The following SCAI variants were observed in gnomAD, a reference collection of about 807,000 sequenced individuals.
SCAI encodes suppressor of cancer cell invasion, also known as protein SCAI.
SCAI carries 24 observed loss-of-function variants against 92.2 expected under a neutral mutation model. The ratio of observed to expected loss-of-function variants is 0.26; its 90% CI spans 0.19 to 0.37. SCAI has a LOEUF of 0.37. Among genes scored for constraint, SCAI ranks in the 10% least tolerant of loss-of-function variants. The pLI, the probability that SCAI is intolerant of heterozygous loss-of-function variation, is 1.00. For synonymous variants in SCAI, 261 were observed against 258.6 expected (o/e 1.01, Z -0.09); for missense variants, 450 against 736.2 (o/e 0.61, Z 4.50).
chr9:124,977,806 G>A (rs1831792125), intron 14 of SCAI, among the ~76,000 whole-genome samples: 3 of 152,136 alleles, frequency 2.0e-5, no homozygotes, highest in Non-Finnish European at 2.9e-5. Flanking sequence ...AAAACATTTA[G>A]GACTTATGTA....
chr9:125,121,786 G>A (rs1835160693), intron 2 of SCAI, among the ~76,000 whole-genome samples: 2 of 152,116 alleles, frequency 1.3e-5, no homozygotes, highest in South Asian at 2.1e-4. Context: ...CTGGGAGGTA[G>A]AGGTTGCAAT....
chr9:124,955,720 A>G (rs1322400138), intron 17 of SCAI, among the ~76,000 whole-genome samples: 1 of 152,132 alleles, frequency 6.6e-6, no homozygotes, highest in South Asian at 2.1e-4. Context: ...TTACCAAGAC[A>G]GAAAAAGAAA....
At chr9:125,060,262 G>GGA (rs1833746536) in intron 2 of SCAI, among the ~76,000 whole-genome samples, 1 of 89,544 alleles carries the variant, frequency 1.1e-5, no homozygotes, top group Admixed American at 1.3e-4. Flanking sequence ...GGCTTAGTAT[G>GGA]AAAAAAAAAA....
chr9:124,990,551 A>G lies in SCAI; in HGVS notation c.1326+4383T>C, dbSNP rs1303719527. ...ATCTATGGTGTGGATAAAATGATGG[A>G]AAGGGTAGAAATGTGAGTTGGGGAC... is the stretch of plus-strand genomic sequence containing the variant. On this transcript the variant is annotated intron_variant, in intron 14 of 17. Transcript: ENST00000336505. 1.2e-4 allele frequency among the ~76,000 whole-genome samples: 18 copies of G among 152,314 alleles called. No homozygotes were observed. In the East Asian group the frequency reaches 3.5e-3, roughly 29 times the overall value.
chr9:124,952,796 G>A lies in SCAI; in HGVS notation c.*11C>T, dbSNP rs780373523. ...AAAATGAAAACTTGTTTCGACAACA[G>A]GGTTTTTGTTTTAATAGTCATCAAT... On this transcript the variant is annotated 3_prime_UTR_variant, in exon 18 of 18. Transcript: ENST00000336505. 3.8e-6 allele frequency: 6 copies of A among 1,599,582 alleles called. No individual in the cohort carries two copies. The Admixed American group carries it at 1.1e-4, about 28-fold the overall frequency.
chr9:125,048,142 C>T (rs551856391), intron 3 of SCAI, among the ~76,000 whole-genome samples: 41 of 152,052 alleles, frequency 2.7e-4, no homozygotes, highest in Non-Finnish European at 4.9e-4. Flanking sequence ...CCATGCCCAG[C>T]TAATTTTGTA....
chr9:124,976,320 C>T, intron 14 of SCAI, 134 bp from the exon 15 acceptor site: 2 of 640,892 alleles, frequency 3.1e-6, no homozygotes, highest in Middle Eastern at 4.2e-4. Flanking sequence ...ACATCAGCAA[C>T]AGCTAAGGAG....
chr9:125,134,010 G>A (rs1018591389), intron 2 of SCAI, among the ~76,000 whole-genome samples: 1 of 152,076 alleles, frequency 6.6e-6, no homozygotes, highest in African/African-American at 2.4e-5. Flanking sequence ...CCTTAGTTGA[G>A]AACCACCCCT....
At chr9:124,956,788 A>G (rs1432312735) in intron 17 of SCAI, among the ~76,000 whole-genome samples, 1 of 152,208 alleles carries the variant, frequency 6.6e-6, no homozygotes, top group African/African-American at 2.4e-5. Flanking sequence ...ACTTTTATTC[A>G]ACATTTTACT....
chr9:124,953,524 G>A (rs1831265861), intron 17 of SCAI, among the ~76,000 whole-genome samples: 1 of 152,170 alleles, frequency 6.6e-6, no homozygotes, highest in Non-Finnish European at 1.5e-5. Context: ...TATTCAGGAG[G>A]CTGAGGCAGG....
rs1292295492 is a variant in SCAI, at chr9:124,949,771, T to C, written c.*3036A>G. The C allele has an allele frequency of 6.6e-6, 1 of 152,224 alleles. No homozygotes were observed. Among genetic ancestry groups the C allele is most frequent in the Non-Finnish European group, 1.5e-5 (1 of 68,034 alleles). 9.4% of individuals were successfully genotyped at this position (152,224 alleles called of 1,614,324 possible). ...TATTGCCTTACTCCTTCTACTAGAATGTAAGCTTCATGAACATGAGGATTT... is the reference window on the plus strand; with the variant it reads ...TATTGCCTTACTCCTTCTACTAGAACGTAAGCTTCATGAACATGAGGATTT... On this transcript the variant is annotated 3_prime_UTR_variant, in exon 18 of 18. Transcript: ENST00000336505. This position sits in a 1 kb window ranked among gnomAD's most constrained non-coding sequence, Gnocchi z 4.0.
chr9:125,141,774 T>C (rs1011285017), intron 2 of SCAI, among the ~76,000 whole-genome samples: 1 of 151,780 alleles, frequency 6.6e-6, no homozygotes, highest in African/African-American at 2.4e-5. Context: ...ATGCATGATT[T>C]TGGGTAAATA....
chr9:124,955,105 T>C (rs1588113377), intron 17 of SCAI, among the ~76,000 whole-genome samples: 1 of 149,916 alleles, frequency 6.7e-6, no homozygotes, highest in Admixed American at 6.7e-5. Flanking sequence ...GAGGCGGAGG[T>C]TGCAGTGAGC....
intron 2 of SCAI, among the ~76,000 whole-genome samples, chr9:125,095,675 G>C (rs1024070757): frequency 1.3e-5 from 2 of 152,228 alleles, no homozygotes; most frequent in African/African-American, 4.8e-5. Context: ...CTTGTCCTTA[G>C]AGGAATTAAT....
intron 14 of SCAI, among the ~76,000 whole-genome samples, chr9:124,989,160 C>A (rs747940138): frequency 6.6e-6 from 1 of 151,726 alleles, no homozygotes; most frequent in Non-Finnish European, 1.5e-5. Context: ...AAAGTAAAGT[C>A]AAACCAGGAA....
At chr9:125,003,356 C>G (rs1308500123) in intron 10 of SCAI, 113 bp downstream of exon 10, 2 of 1,002,954 alleles carry the variant, frequency 2.0e-6, no homozygotes, top group Non-Finnish European at 3.2e-6. Flanking sequence ...CTCCATGTCT[C>G]ATCAAGTGAA....
chr9:125,047,596 A>G (rs1489052046), intron 3 of SCAI, among the ~76,000 whole-genome samples: 1 of 152,202 alleles, frequency 6.6e-6, no homozygotes, highest in Non-Finnish European at 1.5e-5. Flanking sequence ...GGACCAGTGA[A>G]GAAGACAACC....
intron 17 of SCAI, among the ~76,000 whole-genome samples, chr9:124,959,523 C>CATATATATACACACATATATAT (rs1554774581): frequency 9.9e-4 from 144 of 144,938 alleles, no homozygotes; most frequent in African/African-American, 3.3e-3. Context: ...TATATACACA[C>CATATATATACACACATATATAT]ATATATATAC....
intron 2 of SCAI, among the ~76,000 whole-genome samples, chr9:125,105,390 C>A (rs188914187): frequency 9.2e-5 from 14 of 152,354 alleles, no homozygotes; most frequent in Admixed American, 9.1e-4. Flanking sequence ...CTCCTATTCC[C>A]TTCATGATAC....
Sources: allele counts gnomAD v4.1 joint callset (sites outside exome capture counted in the v4.1 genomes callset), GRCh38; gene constraint gnomAD v4.1.1; non-coding constraint Gnocchi (gnomAD v3.1); transcripts MANE v1.5; gene names NCBI Gene and HGNC (gene_info 2026-07-23, HGNC 2026-07-21).